ST6GALNAC3: variants seen among roughly 807,000 people sequenced by gnomAD.
ST6GALNAC3 encodes the protein alpha-N-acetylgalactosaminide alpha-2,6-sialyltransferase 3.
In ST6GALNAC3, 25 loss-of-function variants were observed where a neutral mutation model predicts 32.7. The ratio of observed to expected loss-of-function variants is 0.76; its 90% CI spans 0.56 to 1.07. The LOEUF is 1.07. Among genes scored for constraint, ST6GALNAC3 ranks in the 50% least tolerant of loss-of-function variants. ST6GALNAC3 has a pLI of 0.00. For synonymous variants in ST6GALNAC3, 129 were observed against 133.1 expected, an observed-to-expected ratio of 0.97 and a Z score of 0.21; for missense variants, 355 against 382.4, an observed-to-expected ratio of 0.93 and a Z score of 0.60.
chr1:76,113,304 C>G (rs1254120924), intron 1 of ST6GALNAC3, among the ~76,000 whole-genome samples: 1 of 135,820 alleles, frequency 7.4e-6, no homozygotes, highest in Non-Finnish European at 1.5e-5. Context: ...GTCCAGCTTC[C>G]GCTCGGCATC....
At chr1:76,463,734 G>A (rs1427391313) in intron 3 of ST6GALNAC3, among the ~76,000 whole-genome samples, 1 of 152,126 alleles carries the variant, frequency 6.6e-6, no homozygotes, top group African/African-American at 2.4e-5. Context: ...GTAGACTGAA[G>A]ATCCTTCGTT....
chr1:76,191,296 T>TA (rs990744011), intron 1 of ST6GALNAC3, among the ~76,000 whole-genome samples: 1,495 of 142,144 alleles, frequency 0.011, 25 homozygotes, highest in African/African-American at 0.032. Context: ...ACGTGGATTC[T>TA]AAAAAAAAAA....
At chr1:76,340,118 G>A (rs1647836997) in intron 2 of ST6GALNAC3, among the ~76,000 whole-genome samples, 1 of 152,152 alleles carries the variant, frequency 6.6e-6, no homozygotes. Context: ...GAAACCCCCT[G>A]GTGAATTTCA....
chr1:76,359,590 G>T (rs528164487), intron 2 of ST6GALNAC3, among the ~76,000 whole-genome samples: 1 of 152,272 alleles, frequency 6.6e-6, no homozygotes, highest in South Asian at 2.1e-4. Flanking sequence ...TCAAACTATA[G>T]ATTCCAGAAC....
intron 1 of ST6GALNAC3, among the ~76,000 whole-genome samples, chr1:76,198,398 C>T (rs1301119629): frequency 1.3e-5 from 2 of 152,132 alleles, no homozygotes; most frequent in Non-Finnish European, 2.9e-5. Context: ...ATTGACCTAA[C>T]CAGATTTATA....
rs536666086 is a variant in ST6GALNAC3 at position 76,243,280 on chromosome 1, G to A, written c.19-70525G>A. Among the ~76,000 whole-genome samples, 45 of 152,028 alleles carry A rather than the reference G, an allele frequency of 3.0e-4. No homozygotes were observed. In the South Asian group the frequency reaches 5.4e-3, roughly 18 times the overall value. ...TGAGAAGTGTCTTTTCATATCCTTC[G>A]CCCACTTTTTGATGGGGTTGTCTGT... On this transcript the variant is annotated intron_variant, in intron 1 of 4. Coordinates refer to ENST00000328299, the MANE Select transcript of ST6GALNAC3 (RefSeq NM_152996.4).
chr1:76,252,181 A>T (rs769051172), intron 1 of ST6GALNAC3, among the ~76,000 whole-genome samples: 2 of 152,152 alleles, frequency 1.3e-5, no homozygotes, highest in African/African-American at 2.4e-5. Flanking sequence ...GACCCTGTAT[A>T]CGATGTTCGT....
Position 76,074,783 on chromosome 1 carries a change from G to T in ST6GALNAC3, c.-84G>T. On this transcript the variant is annotated 5_prime_UTR_variant, in exon 1 of 5. Coordinates refer to ENST00000328299, the MANE Select transcript of ST6GALNAC3 (RefSeq NM_152996.4). ...ATGTGGGCTGGAGAGGTCCTGCCGTGGTACCAGCCTCCAGCCTGCCCCCAG... is the reference window on the plus strand; with the variant it reads ...ATGTGGGCTGGAGAGGTCCTGCCGTTGTACCAGCCTCCAGCCTGCCCCCAG... 1.4e-6 allele frequency: 2 copies of T among 1,480,408 alleles called. No homozygotes were observed. Among genetic ancestry groups the T allele is most frequent in the South Asian group, 1.2e-5 (1 of 82,390 alleles). 91.7% of individuals were successfully genotyped at this position (1,480,408 alleles called of 1,614,324 possible). A position where few individuals can be genotyped will look rare whatever the true frequency, so the allele number is the denominator to read the frequency against.
At chr1:76,456,953 C>T (rs1182892046) in intron 3 of ST6GALNAC3, among the ~76,000 whole-genome samples, 1 of 151,974 alleles carries the variant, frequency 6.6e-6, no homozygotes, top group African/African-American at 2.4e-5. Context: ...TCTAGAAAAC[C>T]CCATTGTCTC....
At chr1:76,568,803 G>T (rs1665699608) in intron 3 of ST6GALNAC3, among the ~76,000 whole-genome samples, 1 of 152,174 alleles carries the variant, frequency 6.6e-6, no homozygotes, top group South Asian at 2.1e-4. Flanking sequence ...GTCATCCTGG[G>T]TGTGAGTGGA....
At chr1:76,213,013 A>G (rs1655253844) in intron 1 of ST6GALNAC3, among the ~76,000 whole-genome samples, 1 of 152,216 alleles carries the variant, frequency 6.6e-6, no homozygotes, top group Non-Finnish European at 1.5e-5. Context: ...GAATAGCTGA[A>G]TTAATAAATG....
chr1:76,116,934 A>T (rs565337386), intron 1 of ST6GALNAC3, among the ~76,000 whole-genome samples: 4 of 152,296 alleles, frequency 2.6e-5, no homozygotes, highest in African/African-American at 9.6e-5. Context: ...GTCTAAAAAA[A>T]TAAATGAATA....
At chr1:76,598,240 C>T (rs913781780) in intron 3 of ST6GALNAC3, among the ~76,000 whole-genome samples, 10 of 152,124 alleles carry the variant, frequency 6.6e-5, no homozygotes, top group African/African-American at 1.7e-4. Flanking sequence ...AACACCATCA[C>T]GACAACATAT....
At chr1:76,094,953 T>C (rs906147036) in intron 1 of ST6GALNAC3, among the ~76,000 whole-genome samples, 3 of 151,788 alleles carry the variant, frequency 2.0e-5, no homozygotes, top group Admixed American at 2.0e-4. Flanking sequence ...CTAGCCTTCT[T>C]TCTTCTTCCT....
intron 3 of ST6GALNAC3, among the ~76,000 whole-genome samples, chr1:76,500,228 T>C (rs1661098569): frequency 1.3e-5 from 2 of 152,230 alleles, no homozygotes; most frequent in Admixed American, 1.3e-4. Flanking sequence ...ATATGAATAC[T>C]TCACATACAT....
chr1:76,290,960 T>G (rs1284167872), intron 1 of ST6GALNAC3, among the ~76,000 whole-genome samples: 1 of 152,172 alleles, frequency 6.6e-6, no homozygotes, highest in Non-Finnish European at 1.5e-5. Context: ...CACCGTGTTA[T>G]CTAACCACAG....
chr1:76,604,597 A>G (rs959324408), intron 3 of ST6GALNAC3, among the ~76,000 whole-genome samples: 3 of 152,124 alleles, frequency 2.0e-5, no homozygotes, highest in Non-Finnish European at 2.9e-5. Flanking sequence ...CCTCCTCTGC[A>G]ATCTATAATC....
intron 1 of ST6GALNAC3, among the ~76,000 whole-genome samples, chr1:76,286,877 C>T (rs1187055241): frequency 6.6e-6 from 1 of 152,186 alleles, no homozygotes; most frequent in African/African-American, 2.4e-5. Flanking sequence ...CCTGTGTCAT[C>T]TCTGGAAAAC....
chr1:76,341,607 T>TGC (rs1557803506), intron 2 of ST6GALNAC3, among the ~76,000 whole-genome samples: 10 of 56,716 alleles, frequency 1.8e-4, no homozygotes, highest in Non-Finnish European at 3.5e-4. Context: ...CAAACTGCTT[T>TGC]TCTTTCTTTC....
Sources: allele counts gnomAD v4.1 joint callset (sites outside exome capture counted in the v4.1 genomes callset), GRCh38; gene constraint gnomAD v4.1.1; transcripts MANE v1.5; gene names NCBI Gene and HGNC (gene_info 2026-07-23, HGNC 2026-07-21).